The following RPS6KA2 variants were observed in gnomAD, a reference collection of about 807,000 sequenced individuals.
RPS6KA2 encodes ribosomal protein S6 kinase alpha-2.
A neutral mutation model predicts 91.8 loss-of-function variants in RPS6KA2; 42 were observed. The observed-to-expected ratio is 0.46, with a 90% CI of 0.36 to 0.59. The LOEUF is 0.59. RPS6KA2 is among the 20% of genes least tolerant of loss of function. The pLI is 0.00. For synonymous variants in RPS6KA2, 414 were observed against 393.6 expected (o/e 1.05, Z -0.61); for missense variants, 798 against 978.5 (o/e 0.82, Z 2.46).
Position 166,833,659 on chromosome 6 carries a change from T to C in RPS6KA2, c.123+24541A>G, listed in dbSNP as rs546469938. ...TGGCTGCTTTCCTTCAGACTAATTCTTGTGAGATGTACTTGTGTTGCTGCA... is the reference window on the plus strand; with the variant it reads ...TGGCTGCTTTCCTTCAGACTAATTCCTGTGAGATGTACTTGTGTTGCTGCA... On this transcript the variant is annotated intron_variant, in intron 2 of 21. Coordinates refer to the RPS6KA2 transcript ENST00000503859. Among the ~76,000 whole-genome samples the C allele has an allele frequency of 7.2e-4, 110 of 152,344 alleles. 1 individual carries two copies. Among genetic ancestry groups the C allele is most frequent in the African/African-American group, 2.5e-3 (106 of 41,570 alleles).
chr6:166,502,080 G>T (rs1251861696), intron 6 of RPS6KA2, among the ~76,000 whole-genome samples: 1 of 152,224 alleles, frequency 6.6e-6, no homozygotes, highest in Admixed American at 6.5e-5. Context: ...CTACTGTGCA[G>T]GGGGACAGAG....
chr6:166,671,223 T>C (rs1234961168), intron 2 of RPS6KA2, among the ~76,000 whole-genome samples: 2 of 152,210 alleles, frequency 1.3e-5, no homozygotes. Flanking sequence ...AAGTTGAAGA[T>C]AGTCATTAAA....
chr6:166,414,962 G>A lies in RPS6KA2; in HGVS notation c.1939-1031C>T, dbSNP rs141565313. 3.3e-3 allele frequency among the ~76,000 whole-genome samples: 508 copies of A among 152,322 alleles called. 4 individuals carry two copies. The highest frequency in any genetic ancestry group is 5.0e-3 in the South Asian group (24 of 4,828). ...CGCCTATAATCCCAGCTACCTGGGG[G>A]GCTGAGGCAGGAGAATCACTTGAGC... On this transcript the variant is annotated intron_variant, in intron 19 of 20. Coordinates refer to ENST00000265678, the MANE Select transcript of RPS6KA2 (RefSeq NM_021135.6).
At chr6:166,483,150 C>G (rs551661736) in intron 10 of RPS6KA2, among the ~76,000 whole-genome samples, 72 of 152,318 alleles carry the variant, frequency 4.7e-4, no homozygotes, top group Non-Finnish European at 8.7e-4. Flanking sequence ...GGTAAGAGAC[C>G]ACCTGGGACG....
Position 166,818,362 on chromosome 6 carries a change from A to G in RPS6KA2, c.123+39838T>C, listed in dbSNP as rs1415936789. On this transcript the variant is annotated intron_variant, in intron 2 of 21. Transcript: ENST00000503859. ...GCATTGTAAATTTTCCACAACCTGA[A>G]TTTTTTCTGTCTCCTCATGTTAGAA... Among the ~76,000 whole-genome samples the G allele has an allele frequency of 4.6e-5, 7 of 152,126 alleles. No individual in the cohort carries two copies. In the East Asian group the frequency reaches 1.4e-3, roughly 29 times the overall value.
At chr6:166,788,630 G>A (rs1417078835) in intron 2 of RPS6KA2, among the ~76,000 whole-genome samples, 1 of 152,118 alleles carries the variant, frequency 6.6e-6, no homozygotes, top group Admixed American at 6.6e-5. Flanking sequence ...AGTGGGAGCT[G>A]AACAATGAGA....
intron 10 of RPS6KA2, among the ~76,000 whole-genome samples, chr6:166,479,396 C>T (rs775443042): frequency 2.4e-4 from 36 of 152,206 alleles, no homozygotes; most frequent in East Asian, 5.8e-4. Context: ...CCAGCCACGG[C>T]GAGGTGGCAG....
At chr6:166,692,953 G>A (rs1411852994) in intron 2 of RPS6KA2, among the ~76,000 whole-genome samples, 2 of 152,206 alleles carry the variant, frequency 1.3e-5, no homozygotes, top group Non-Finnish European at 2.9e-5. Flanking sequence ...ACCTCCACGG[G>A]AGTATGTAAA....
intron 2 of RPS6KA2, among the ~76,000 whole-genome samples, chr6:166,759,883 T>C (rs1778120745): frequency 6.6e-6 from 1 of 152,256 alleles, no homozygotes; most frequent in Non-Finnish European, 1.5e-5. Flanking sequence ...GAGAGGTTTG[T>C]GCTTGGTGAA....
chr6:166,507,418 ACACATAC>A (rs1782273473), intron 5 of RPS6KA2, among the ~76,000 whole-genome samples: 1 of 148,830 alleles, frequency 6.7e-6, no homozygotes, highest in South Asian at 2.1e-4. Flanking sequence ...AGCACACACC[ACACATAC>A]CACATACAGC....
intron 2 of RPS6KA2, among the ~76,000 whole-genome samples, chr6:166,855,190 G>C (rs1182634200): frequency 6.6e-6 from 1 of 152,160 alleles, no homozygotes; most frequent in Admixed American, 6.6e-5. Context: ...TGGGAGCGTG[G>C]GAGTGGGGGC....
Position 166,770,819 on chromosome 6 carries a change from C to T in RPS6KA2, c.123+87381G>A, listed in dbSNP as rs941603972. ...TTTAACTTAAAAAAAAAATGTAACT[C>T]ACATAAGCATGGAAAAAAACAAACC... On this transcript the variant is annotated intron_variant, in intron 2 of 21. Transcript: ENST00000503859. The surrounding 1 kb of genome is among the most constrained non-coding windows in gnomAD (Gnocchi z 5.1). 1.3e-6 allele frequency: 2 copies of T among 1,532,730 alleles called. No homozygotes were observed. The highest frequency in any genetic ancestry group is 1.4e-5 in the African/African-American group (1 of 71,850). The allele number at this position is 1,532,730 out of a possible 1,614,324, so 94.9% of individuals were successfully genotyped here.
At chr6:166,688,580 A>G (rs1789096117) in intron 2 of RPS6KA2, among the ~76,000 whole-genome samples, 1 of 152,244 alleles carries the variant, frequency 6.6e-6, no homozygotes, top group African/African-American at 2.4e-5. Context: ...GGTAAGAAGC[A>G]GGTGGCTAGG....
intron 2 of RPS6KA2, among the ~76,000 whole-genome samples, chr6:166,684,833 C>G (rs947458748): frequency 6.6e-6 from 1 of 152,236 alleles, no homozygotes; most frequent in Non-Finnish European, 1.5e-5. Flanking sequence ...AATTCTGAAC[C>G]TACTTTTTAA....
At position 166,582,056 on chromosome 6, in the gene RPS6KA2, GCC is replaced by G. The variant is rs1186447901; in HGVS notation, c.100-43274_100-43273del. ...CTGGGCAGGTGGGCTGGGCAGGAGG[GCC>G]CAGGGAGAGATGAGATGGGGTGGGA... On this transcript the variant is annotated intron_variant, in intron 1 of 20. Transcript: ENST00000265678. Among the ~76,000 whole-genome samples the G allele has an allele frequency of 3.1e-4, 40 of 127,232 alleles. 2 individuals are homozygous for G. Among genetic ancestry groups the G allele is most frequent in the South Asian group, 8.5e-4 (3 of 3,536 alleles). The allele number at this position is 127,232 out of a possible 152,430, so 83.5% of individuals were successfully genotyped here.
At chr6:166,804,739 C>A (rs1398715932) in intron 2 of RPS6KA2, among the ~76,000 whole-genome samples, 1 of 152,036 alleles carries the variant, frequency 6.6e-6, no homozygotes, top group East Asian at 1.9e-4. Context: ...CATTCACATT[C>A]TCTGGCATCT....
intron 3 of RPS6KA2, among the ~76,000 whole-genome samples, chr6:166,513,204 T>C (rs1256310682): frequency 6.6e-6 from 1 of 152,202 alleles, no homozygotes; most frequent in Non-Finnish European, 1.5e-5. Flanking sequence ...AAGCTTGCCT[T>C]AGAGTCTAGA....
chr6:166,559,628 C>A (rs1016251127), intron 1 of RPS6KA2, among the ~76,000 whole-genome samples: 4 of 152,146 alleles, frequency 2.6e-5, no homozygotes, highest in Admixed American at 2.0e-4. Context: ...GCCTCCTAAA[C>A]TCTCCCCTAT....
intron 2 of RPS6KA2, among the ~76,000 whole-genome samples, chr6:166,651,350 C>T (rs150698235): frequency 1.2e-4 from 19 of 152,268 alleles, no homozygotes; most frequent in African/African-American, 3.1e-4. Context: ...GCAATTATCT[C>T]AATGCACAGG....
Sources: allele counts gnomAD v4.1 joint callset (sites outside exome capture counted in the v4.1 genomes callset), GRCh38; gene constraint gnomAD v4.1.1; non-coding constraint Gnocchi (gnomAD v3.1); transcripts MANE v1.5; gene names NCBI Gene and HGNC (gene_info 2026-07-23, HGNC 2026-07-21).